Variants in PPM1H observed in about 807,000 individuals in gnomAD.
The protein encoded by PPM1H is protein phosphatase 1H.
PPM1H carries 27 observed loss-of-function variants against 54.9 expected under a neutral mutation model. The observed-to-expected ratio is 0.49, with a 90% CI of 0.36 to 0.68. The LOEUF is 0.68. PPM1H is among the 30% of genes least tolerant of loss of function. The pLI, the probability that PPM1H is intolerant of heterozygous loss-of-function variation, is 0.00. For synonymous variants in PPM1H, 305 were observed against 270.8 expected (o/e 1.13, Z -1.24); for missense variants, 596 against 667.8 (o/e 0.89, Z 1.19).
In PPM1H at chr12:62,693,970, A is replaced by G; in HGVS notation, c.1103T>C (p.Leu368Ser). The change falls in exon 7 of 10, where the codon TTG becomes TCG. Residue 368 changes from leucine to serine, a missense_variant. Leu to Ser is a moderately radical substitution (Grantham distance 145). Transcript: ENST00000228705. ...WAYKTIEDED[L>S]KFPLIYGEGK... is the part of the protein sequence containing the mutation. Reference sequence around the variant, plus strand: ...TTCTCCATATATAAGGGGGAACTTCAAGTCCTCATCCTCAATGGTTTTGTA... The same window carrying G: ...TTCTCCATATATAAGGGGGAACTTCGAGTCCTCATCCTCAATGGTTTTGTA... 6.2e-7 allele frequency: 1 copy of G among 1,613,092 alleles called. No individual in the cohort carries two copies. The highest frequency in any genetic ancestry group is 8.5e-7 in the Non-Finnish European group (1 of 1,179,616).
intron 6 of PPM1H, among the ~76,000 whole-genome samples, chr12:62,710,537 TAAAA>T (rs35445574): frequency 7.7e-6 from 1 of 130,236 alleles, no homozygotes; most frequent in Admixed American, 7.7e-5. Flanking sequence ...ACTGTCTCTT[TAAAA>T]AAAAAAAAAA....
chr12:62,683,032 ATTTATTATTATT>A (rs2076029418), intron 8 of PPM1H, among the ~76,000 whole-genome samples: 3 of 126,356 alleles, frequency 2.4e-5, no homozygotes, highest in African/African-American at 8.7e-5. Context: ...AGAGTTTATT[ATTTATTATTATT>A]ATTATTATTA....
intron 1 of PPM1H, among the ~76,000 whole-genome samples, chr12:62,919,048 A>C (rs2121162291): frequency 6.6e-6 from 1 of 152,350 alleles, no homozygotes; most frequent in Middle Eastern, 3.4e-3. Context: ...AAATTTTTAC[A>C]AGAGAAACTT....
intron 8 of PPM1H, among the ~76,000 whole-genome samples, chr12:62,671,386 T>A (rs1011647043): frequency 1.3e-5 from 2 of 151,684 alleles, no homozygotes; most frequent in African/African-American, 4.8e-5. Flanking sequence ...ATTCTTGCAG[T>A]TTTTCAGAAC....
rs369545243 is a variant in PPM1H, at chr12:62,872,752, T to C, written c.246-40473A>G. On this transcript the variant is annotated intron_variant, in intron 1 of 9. Transcript: ENST00000228705. ...GTGGAAATTCTTTTACAAATCAACA[T>C]ATAATATTTACTACATTCATAAGTA... Among the ~76,000 whole-genome samples, 121 of 152,340 alleles carry C rather than the reference T, an allele frequency of 7.9e-4. No individual in the cohort carries two copies. The Middle Eastern group carries it at 0.041, about 51-fold the overall frequency.
chr12:62,905,468 T>C (rs948428428), intron 1 of PPM1H, among the ~76,000 whole-genome samples: 3 of 152,194 alleles, frequency 2.0e-5, no homozygotes, highest in Non-Finnish European at 2.9e-5. Context: ...CATGATTTCA[T>C]GATATCCCAC....
intron 1 of PPM1H, among the ~76,000 whole-genome samples, chr12:62,879,265 C>G (rs552119138): frequency 1.3e-5 from 2 of 152,282 alleles, no homozygotes; most frequent in South Asian, 4.1e-4. Context: ...ATGAATAAAC[C>G]AGGGGTTCAA....
At chr12:62,852,026 C>T (rs1191738356) in intron 1 of PPM1H, among the ~76,000 whole-genome samples, 1 of 151,518 alleles carries the variant, frequency 6.6e-6, no homozygotes. Flanking sequence ...GTCAGGGGTT[C>T]GAGACCAGCC....
rs532588930 is a variant in PPM1H at position 62,652,860 on chromosome 12, C to T, written c.1398-4224G>A. On this transcript the variant is annotated intron_variant, in intron 9 of 9. Transcript: ENST00000228705. ...TTCTTTGCTTTTTATGAAACTACTCCTTGCTTCTGGATTTAATTTCCTTCC... is the reference window on the plus strand; with the variant it reads ...TTCTTTGCTTTTTATGAAACTACTCTTTGCTTCTGGATTTAATTTCCTTCC... 1.8e-3 allele frequency among the ~76,000 whole-genome samples: 278 copies of T among 152,228 alleles called. 1 individual carries two copies. The highest frequency in any genetic ancestry group is 6.2e-3 in the African/African-American group (257 of 41,536).
At chr12:62,723,583 C>T (rs903154850) in intron 5 of PPM1H, among the ~76,000 whole-genome samples, 3 of 152,172 alleles carry the variant, frequency 2.0e-5, no homozygotes, top group African/African-American at 7.2e-5. Context: ...GCCCTTCCAC[C>T]TTCTGCCATG....
chr12:62,820,324 G>A (rs761313393), intron 2 of PPM1H, among the ~76,000 whole-genome samples: 1 of 152,250 alleles, frequency 6.6e-6, no homozygotes, highest in East Asian at 1.9e-4. Flanking sequence ...TCTGAGGGCA[G>A]GGCGTAGATG....
chr12:62,815,187 C>CTTT (rs10650338), intron 2 of PPM1H, among the ~76,000 whole-genome samples: 28 of 151,178 alleles, frequency 1.9e-4, no homozygotes, highest in Middle Eastern at 3.5e-3. Context: ...TACCATACCT[C>CTTT]TTTTTTTTTG....
At chr12:62,890,147 G>A (rs986766797) in intron 1 of PPM1H, among the ~76,000 whole-genome samples, 1 of 152,166 alleles carries the variant, frequency 6.6e-6, no homozygotes, top group South Asian at 2.1e-4. Context: ...ATAAACAGAA[G>A]GCAAATAAAC....
chr12:62,766,482 G>A (rs965405400), intron 4 of PPM1H, among the ~76,000 whole-genome samples: 1 of 151,946 alleles, frequency 6.6e-6, no homozygotes, highest in Non-Finnish European at 1.5e-5. Context: ...GGTCACAAAT[G>A]CTTCCTAACA....
intron 1 of PPM1H, among the ~76,000 whole-genome samples, chr12:62,865,103 T>G (rs1250986586): frequency 2.0e-5 from 3 of 152,156 alleles, no homozygotes; most frequent in African/African-American, 7.2e-5. Context: ...ATTTTTCCTT[T>G]TGCTCATTCT....
Position 62,773,641 on chromosome 12 carries a change from G to A in PPM1H, c.869+14585C>T, listed in dbSNP as rs534760574. The stretch of plus-strand genomic sequence containing the variant: ...TGCTAGTTCAACTCATTTCTTGAAG[G>A]GTTGGGCTTTGAAGAGTGAGAGAGG... On this transcript the variant is annotated intron_variant, in intron 4 of 9. Transcript: ENST00000228705. 2.9e-4 allele frequency among the ~76,000 whole-genome samples: 44 copies of A among 152,268 alleles called. 1 individual carries two copies. In the South Asian group the frequency reaches 9.1e-3, roughly 32 times the overall value.
chr12:62,796,265 C>T (rs2076733688), intron 3 of PPM1H, among the ~76,000 whole-genome samples: 1 of 152,152 alleles, frequency 6.6e-6, no homozygotes, highest in South Asian at 2.1e-4. Flanking sequence ...ACCAGCTGGG[C>T]GTCCTCCAGT....
At chr12:62,662,587 T>G (rs1007195475) in intron 9 of PPM1H, among the ~76,000 whole-genome samples, 1 of 152,124 alleles carries the variant, frequency 6.6e-6, no homozygotes, top group African/African-American at 2.4e-5. Context: ...GAATCTCCAT[T>G]TTACATATGA....
At chr12:62,891,288 G>A (rs922319840) in intron 1 of PPM1H, among the ~76,000 whole-genome samples, 5 of 152,000 alleles carry the variant, frequency 3.3e-5, no homozygotes, top group Admixed American at 3.3e-4. Context: ...AATCATAAAA[G>A]GCTCAGTGCC....
Sources: allele counts gnomAD v4.1 joint callset (sites outside exome capture counted in the v4.1 genomes callset), GRCh38; gene constraint gnomAD v4.1.1; transcripts MANE v1.5; gene names NCBI Gene and HGNC (gene_info 2026-07-23, HGNC 2026-07-21).